The following OR51B5 variants were observed in gnomAD, a reference collection of about 807,000 sequenced individuals.
OR51B5 encodes olfactory receptor family 51 subfamily B member 5.
For missense variants in OR51B5, 456 were observed against 374.6 expected (o/e 1.22, Z -1.79); for synonymous variants, 186 against 144.8 (o/e 1.28, Z -2.04).
intron 1 of OR51B5, among the ~76,000 whole-genome samples, chr11:5,502,365 G>C (rs781158470): frequency 3.9e-5 from 6 of 151,936 alleles, no homozygotes; most frequent in Non-Finnish European, 8.8e-5. Flanking sequence ...TGAATGTATC[G>C]AGCTCCAGTC....
At chr11:5,452,375 G>A (rs562407206) in intron 1 of OR51B5, among the ~76,000 whole-genome samples, 14 of 151,864 alleles carry the variant, frequency 9.2e-5, no homozygotes, top group South Asian at 6.2e-4. Flanking sequence ...GCATGGTGGC[G>A]GGAGCCTGTA....
At chr11:5,463,790 T>C (rs1851093063) in intron 1 of OR51B5, among the ~76,000 whole-genome samples, 1 of 152,244 alleles carries the variant, frequency 6.6e-6, no homozygotes, top group Non-Finnish European at 1.5e-5. Context: ...GGGAGAAACC[T>C]GTCTAAAGAG....
intron 1 of OR51B5, chr11:5,441,585 A>C: frequency 8.6e-7 from 1 of 1,157,246 alleles, no homozygotes; most frequent in Non-Finnish European, 1.2e-6. Flanking sequence ...TCTTTCAGAT[A>C]TCCTGTCTCC....
chr11:5,366,669 GAGA>G (rs376009034), intron 1 of OR51B5, among the ~76,000 whole-genome samples: 135 of 149,944 alleles, frequency 9.0e-4, no homozygotes, highest in East Asian at 1.2e-3. Context: ...AAGGAAGGAA[GAGA>G]AGAAGAAGAA....
At chr11:5,431,097 G>A in intron 1 of OR51B5, 4 of 429,152 alleles carry the variant, frequency 9.3e-6, no homozygotes, top group Non-Finnish European at 1.4e-5. Context: ...TGTGGCAATA[G>A]GGCAGTTGCC....
At chr11:5,370,675 G>A (rs1849433794) in intron 1 of OR51B5, among the ~76,000 whole-genome samples, 2 of 152,062 alleles carry the variant, frequency 1.3e-5, no homozygotes, top group African/African-American at 4.8e-5. Context: ...CAACTACTGG[G>A]TACAAAAATA....
At chr11:5,457,186 A>G (rs545111235) in intron 1 of OR51B5, among the ~76,000 whole-genome samples, 2 of 152,176 alleles carry the variant, frequency 1.3e-5, no homozygotes, top group African/African-American at 4.8e-5. Context: ...CTTTGTGTCC[A>G]TGTGTATTCA....
intron 1 of OR51B5, among the ~76,000 whole-genome samples, chr11:5,411,243 CTA>C (rs1850144856): frequency 6.6e-6 from 1 of 152,120 alleles, no homozygotes; most frequent in Non-Finnish European, 1.5e-5. Context: ...TATACCTTTT[CTA>C]TGTTTAGATA....
intron 1 of OR51B5, chr11:5,422,656 C>G: frequency 6.2e-7 from 1 of 1,614,080 alleles, no homozygotes; most frequent in Non-Finnish European, 8.5e-7. Flanking sequence ...CCATCATTTG[C>G]TGCTGTGTTC....
At chr11:5,435,975 C>T (rs540237155) in intron 1 of OR51B5, among the ~76,000 whole-genome samples, 14 of 152,134 alleles carry the variant, frequency 9.2e-5, no homozygotes, top group East Asian at 1.9e-4. Context: ...TCTCAACACA[C>T]GACATGATTC....
intron 1 of OR51B5, chr11:5,453,685 T>C (rs755933130): frequency 2.5e-6 from 4 of 1,613,570 alleles, no homozygotes; most frequent in Non-Finnish European, 2.5e-6. Context: ...CTGTCCATGT[T>C]GTCCTTCAGT....
At chr11:5,462,881 A>G (rs1851079872) in intron 1 of OR51B5, among the ~76,000 whole-genome samples, 1 of 152,246 alleles carries the variant, frequency 6.6e-6, no homozygotes, top group Non-Finnish European at 1.5e-5. Context: ...TAGAAACAGC[A>G]TACAGTGTAT....
At chr11:5,421,776 C>T (rs1850342655) in intron 1 of OR51B5, among the ~76,000 whole-genome samples, 1 of 152,114 alleles carries the variant, frequency 6.6e-6, no homozygotes, top group Non-Finnish European at 1.5e-5. Flanking sequence ...TGGAAAAAGA[C>T]ACTGGATTTA....
chr11:5,358,739 C>T (rs1849233512), intron 1 of OR51B5, among the ~76,000 whole-genome samples: 1 of 152,062 alleles, frequency 6.6e-6, no homozygotes, highest in African/African-American at 2.4e-5. Flanking sequence ...ATGCAAAAAA[C>T]CTCAATAAAA....
At chr11:5,390,132 A>G in intron 1 of OR51B5, 6 of 1,613,724 alleles carry the variant, frequency 3.7e-6, no homozygotes, top group Non-Finnish European at 5.1e-6. Flanking sequence ...TCCCAAGAGG[A>G]GCAGCGCCGT....
chr11:5,419,364 T>G (rs1179257463), intron 1 of OR51B5, among the ~76,000 whole-genome samples: 2 of 152,228 alleles, frequency 1.3e-5, no homozygotes, highest in African/African-American at 2.4e-5. Flanking sequence ...GGCTTTGGAA[T>G]TCAACAGAAC....
chr11:5,498,488 G>T (rs1851681301), intron 1 of OR51B5, among the ~76,000 whole-genome samples: 1 of 151,894 alleles, frequency 6.6e-6, no homozygotes, highest in Non-Finnish European at 1.5e-5. Flanking sequence ...AAATTATTGG[G>T]CCATTACCTA....
chr11:5,369,799 C>G (rs1049211133), intron 1 of OR51B5, among the ~76,000 whole-genome samples: 2 of 152,268 alleles, frequency 1.3e-5, no homozygotes, highest in South Asian at 2.1e-4. Flanking sequence ...TGATGCCACA[C>G]TAAAATCAGT....
At chr11:5,502,830 T>A (rs1846315813) in intron 1 of OR51B5, among the ~76,000 whole-genome samples, 1 of 152,202 alleles carries the variant, frequency 6.6e-6, no homozygotes, top group East Asian at 1.9e-4. Context: ...TGAGATCTCT[T>A]TAAGAGTTAA....
Sources: gnomAD v4.1 joint callset for allele counts (sites outside exome capture counted in the v4.1 genomes callset) on GRCh38, gnomAD v4.1.1 for gene constraint, MANE v1.5 for transcripts, NCBI Gene and HGNC (gene_info 2026-07-23, HGNC 2026-07-21) for gene names.